The following HELLS variants were observed in gnomAD, a reference collection of about 807,000 sequenced individuals.
The protein encoded by HELLS is lymphoid-specific helicase.
In HELLS, 32 loss-of-function variants were observed where a neutral mutation model predicts 120.0. The observed-to-expected ratio is 0.27, with a 90% confidence interval of 0.20 to 0.36. HELLS has a LOEUF of 0.36. Among genes scored for constraint, HELLS ranks in the 10% least tolerant of loss-of-function variants. The probability of loss-of-function intolerance (pLI) is 1.00; values close to 1 mark genes in which losing one functional copy is unlikely to be tolerated. For synonymous variants in HELLS, 341 were observed against 323.4 expected (o/e 1.05, Z -0.58); for missense variants, 650 against 993.4 (o/e 0.65, Z 4.65).
intron 21 of HELLS, among the ~76,000 whole-genome samples, chr10:94,600,957 C>T (rs1846006103): frequency 6.6e-6 from 1 of 151,846 alleles, no homozygotes; most frequent in Admixed American, 6.6e-5. Context: ...ATAATGAAAA[C>T]GGATAATATA....
intron 4 of HELLS, among the ~76,000 whole-genome samples, chr10:94,561,135 T>C (rs995006613): frequency 2.0e-5 from 3 of 151,798 alleles, no homozygotes; most frequent in African/African-American, 7.3e-5. Context: ...ACCTAGGGCT[T>C]TTCAGATTTT....
At chr10:94,556,096 C>G (rs1024216374) in intron 3 of HELLS, among the ~76,000 whole-genome samples, 13 of 152,308 alleles carry the variant, frequency 8.5e-5, no homozygotes, top group African/African-American at 2.9e-4. Context: ...GCATCTGGAA[C>G]TGGTAGTTAA....
intron 6 of HELLS, among the ~76,000 whole-genome samples, chr10:94,563,985 T>A (rs951419954): frequency 1.6e-4 from 24 of 152,004 alleles, no homozygotes; most frequent in Non-Finnish European, 3.1e-4. Flanking sequence ...TAATTTTGTA[T>A]TTTTAGTGGA....
At chr10:94,590,920 A>G (rs1845456324) in intron 15 of HELLS, 144 bp downstream of exon 15, 1 of 481,032 alleles carries the variant, frequency 2.1e-6, no homozygotes. Flanking sequence ...GTAAGCTGAG[A>G]CAGTCTTCTT....
intron 6 of HELLS, among the ~76,000 whole-genome samples, chr10:94,563,549 C>T (rs1157236703): frequency 6.6e-6 from 1 of 151,900 alleles, no homozygotes; most frequent in Non-Finnish European, 1.5e-5. Flanking sequence ...TGCAGTGGCA[C>T]AATCATGGCT....
At position 94,558,136 on chromosome 10, in the gene HELLS, C is replaced by T. The variant is rs1234667092; in HGVS notation, c.277-3C>T. 8 of 1,558,728 alleles carry T rather than the reference C, an allele frequency of 5.1e-6. No homozygotes were observed. In the Admixed American group the frequency reaches 1.5e-4, roughly 29 times the overall value. ...TGTGACATAAGAAAAAATTGTCTTA[C>T]AGGAACAGAAGAAGAAAGAAAAATT... On this transcript the variant is annotated splice_region_variant and splice_polypyrimidine_tract_variant and intron_variant, in intron 3 of 21. Coordinates refer to ENST00000348459, the MANE Select transcript of HELLS (RefSeq NM_018063.5).
At position 94,588,297 on chromosome 10, in the gene HELLS, A is replaced by G; in HGVS notation, c.1395A>G (p.Glu465=). 2 of 1,611,800 alleles carry G rather than the reference A, an allele frequency of 1.2e-6. No homozygotes were observed. Among genetic ancestry groups the G allele is most frequent in the South Asian group, 1.1e-5 (1 of 90,906 alleles). The stretch of plus-strand genomic sequence containing the variant: ...CTCTTGAAGTTCCTCCTAAACGAGA[A>G]GTAGTCGTTTATGCTCCACTTTCAA... ...DVALEVPPKR[E]VVVYAPLSKK... The change falls in exon 13 of 22, where the codon GAA becomes GAG. Residue 465 remains glutamate, a synonymous_variant. Coordinates refer to ENST00000348459, the MANE Select transcript of HELLS (RefSeq NM_018063.5).
chr10:94,601,168 G>A (rs540929448), intron 21 of HELLS, among the ~76,000 whole-genome samples: 1 of 152,214 alleles, frequency 6.6e-6, no homozygotes, highest in Non-Finnish European at 1.5e-5. Context: ...TAAACGAATC[G>A]TGATTGGGCC....
intron 17 of HELLS, among the ~76,000 whole-genome samples, chr10:94,592,825 A>G (rs947255244): frequency 2.0e-5 from 3 of 151,950 alleles, no homozygotes; most frequent in Admixed American, 1.3e-4. Context: ...GAAAATATCA[A>G]CTATATGGCA....
chr10:94,605,072 T>TTCCC (rs1846113354), downstream of HELLS, among the ~76,000 whole-genome samples: 34 of 66,816 alleles, frequency 5.1e-4, no homozygotes, highest in African/African-American at 8.3e-4. Context: ...GTCTTGTGTC[T>TTCCC]CCCCCCCCCC....
Position 94,601,780 on chromosome 10 carries a change from C to A in HELLS, c.*158C>A. ...CTTAAATAGATGGTAATTTTCTGAG[C>A]CTTACCAAGAACAAAGAAGTATCCA... On this transcript the variant is annotated 3_prime_UTR_variant, in exon 22 of 22. Transcript: ENST00000348459. 2.1e-6 allele frequency: 1 copy of A among 470,918 alleles called. No homozygotes were observed. The highest frequency in any genetic ancestry group is 3.8e-6 in the Non-Finnish European group (1 of 266,526). The allele number at this position is 470,918 out of a possible 1,614,324, so 29.2% of individuals were successfully genotyped here.
intron 4 of HELLS, among the ~76,000 whole-genome samples, chr10:94,558,877 A>G (rs922440793): frequency 6.6e-6 from 1 of 152,220 alleles, no homozygotes; most frequent in African/African-American, 2.4e-5. Flanking sequence ...CTCAGATTAC[A>G]GGCATGAGCC....
chr10:94,611,815 T>C (rs915269603), exon 10 of HELLS: 8 of 152,138 alleles, frequency 5.3e-5, no homozygotes, highest in Non-Finnish European at 1.2e-4. Context: ...AAAGAAACAA[T>C]ACCTTTTACG....
At chr10:94,548,749 T>A (rs1481464016) in intron 2 of HELLS, among the ~76,000 whole-genome samples, 2 of 152,138 alleles carry the variant, frequency 1.3e-5, no homozygotes, top group African/African-American at 4.8e-5. Flanking sequence ...ATCCCAGCAC[T>A]TTGGGAGGCC....
chr10:94,568,174 C>G (rs1843932795), intron 6 of HELLS, among the ~76,000 whole-genome samples: 1 of 150,346 alleles, frequency 6.7e-6, no homozygotes, highest in Non-Finnish European at 1.5e-5. Context: ...TCCCAAAGGG[C>G]TGGGATTACA....
At chr10:94,595,981 G>A (rs1845720444) in intron 19 of HELLS, among the ~76,000 whole-genome samples, 1 of 152,012 alleles carries the variant, frequency 6.6e-6, no homozygotes, top group Admixed American at 6.6e-5. Flanking sequence ...AACTTGCATT[G>A]GGGAAAAAGC....
At chr10:94,553,653 A>C (rs1589701614) in intron 2 of HELLS, among the ~76,000 whole-genome samples, 2 of 147,060 alleles carry the variant, frequency 1.4e-5, no homozygotes, top group East Asian at 4.0e-4. Context: ...GGTTCAAGCG[A>C]TTCTCCTGCC....
intron 6 of HELLS, among the ~76,000 whole-genome samples, chr10:94,567,703 T>G (rs1249244595): frequency 1.3e-5 from 2 of 152,092 alleles, no homozygotes; most frequent in Admixed American, 6.6e-5. Context: ...CCCAGGAGTT[T>G]AAGACTAGTT....
chr10:94,608,601 C>T (rs755606072), intron 9 of HELLS, among the ~76,000 whole-genome samples: 22 of 151,604 alleles, frequency 1.5e-4, no homozygotes, highest in Non-Finnish European at 2.6e-4. Flanking sequence ...ATTTGTAAAA[C>T]AGTATAGTCA....
Sources: allele counts gnomAD v4.1 joint callset (sites outside exome capture counted in the v4.1 genomes callset), GRCh38; gene constraint gnomAD v4.1.1; transcripts MANE v1.5; gene names NCBI Gene and HGNC (gene_info 2026-07-23, HGNC 2026-07-21).